Variants in IGSF21 observed in about 807,000 individuals in gnomAD.
IGSF21 encodes immunoglobulin superfamily member 21.
IGSF21 carries 28 observed loss-of-function variants against 46.8 expected under a neutral mutation model. The observed-to-expected ratio is 0.60, with a 90% CI of 0.44 to 0.82. IGSF21 has a LOEUF of 0.82. IGSF21 is among the 40% of genes least tolerant of loss of function. IGSF21 has a pLI of 0.00. For missense variants in IGSF21, 624 were observed against 665.5 expected (o/e 0.94, Z 0.69); for synonymous variants, 284 against 273.6 (o/e 1.04, Z -0.38).
chr1:18,328,781 ACAGCTCCACC>A (rs1172528100), intron 3 of IGSF21, among the ~76,000 whole-genome samples: 1 of 152,116 alleles, frequency 6.6e-6, no homozygotes, highest in East Asian at 1.9e-4. Context: ...CTGTGTCCTC[ACAGCTCCACC>A]CTCCCCTCCA....
chr1:18,274,336 G>C lies in IGSF21; in HGVS notation c.184-17530G>C, dbSNP rs191924708. ...AGTAAGTATGTACAGGTTCTGGTCA[G>C]GTTGGCCAGAAGAGGAGAAACTGAA... is the stretch of plus-strand genomic sequence containing the variant. On this transcript the variant is annotated intron_variant, in intron 2 of 9. Coordinates refer to ENST00000251296, the MANE Select transcript of IGSF21 (RefSeq NM_032880.5). 2.4e-3 allele frequency among the ~76,000 whole-genome samples: 367 copies of C among 152,326 alleles called. 1 individual carries two copies. The highest frequency in any genetic ancestry group is 7.4e-3 in the African/African-American group (307 of 41,566).
At chr1:18,257,281 A>T (rs2084901544) in intron 2 of IGSF21, among the ~76,000 whole-genome samples, 1 of 152,196 alleles carries the variant, frequency 6.6e-6, no homozygotes, top group African/African-American at 2.4e-5. Flanking sequence ...TGGAATACAT[A>T]GATCTTTATT....
intron 6 of IGSF21, among the ~76,000 whole-genome samples, chr1:18,368,516 GA>G (rs202029738): frequency 0.16 from 22,817 of 143,842 alleles, 2,183 homozygotes; most frequent in East Asian, 0.35. Flanking sequence ...ATCTCAAAAA[GA>G]AAAAAAAAAA....
At chr1:18,156,536 C>T (rs902011900) in intron 1 of IGSF21, among the ~76,000 whole-genome samples, 3 of 152,220 alleles carry the variant, frequency 2.0e-5, no homozygotes, top group African/African-American at 7.2e-5. Flanking sequence ...CCGTCCCCAG[C>T]CCCAACCAAG....
At chr1:18,300,474 G>A (rs533116548) in intron 3 of IGSF21, among the ~76,000 whole-genome samples, 1 of 152,342 alleles carries the variant, frequency 6.6e-6, no homozygotes, top group South Asian at 2.1e-4. Flanking sequence ...TGAAGATGAT[G>A]AAATAGCCAG....
At chr1:18,159,497 T>C (rs1459913350) in intron 1 of IGSF21, among the ~76,000 whole-genome samples, 1 of 152,194 alleles carries the variant, frequency 6.6e-6, no homozygotes, top group East Asian at 1.9e-4. Flanking sequence ...CTCGTGGTAG[T>C]GAGTAAGTCT....
At chr1:18,261,768 G>A (rs1269008945) in intron 2 of IGSF21, among the ~76,000 whole-genome samples, 1 of 152,234 alleles carries the variant, frequency 6.6e-6, no homozygotes, top group Non-Finnish European at 1.5e-5. Flanking sequence ...AGAGGAAGTG[G>A]AGGGACTTGG....
intron 1 of IGSF21, among the ~76,000 whole-genome samples, chr1:18,176,598 C>T (rs1439343934): frequency 1.3e-5 from 2 of 151,994 alleles, no homozygotes; most frequent in Non-Finnish European, 2.9e-5. Context: ...AGCCTTTTCA[C>T]ACTGATGTGC....
At chr1:18,121,262 A>G (rs555922028) in intron 1 of IGSF21, among the ~76,000 whole-genome samples, 7 of 152,282 alleles carry the variant, frequency 4.6e-5, no homozygotes, top group African/African-American at 1.7e-4. Flanking sequence ...TGGAAGTGCC[A>G]TTGCCACTTT....
chr1:18,108,631 G>T (rs1293418158), intron 1 of IGSF21, among the ~76,000 whole-genome samples: 1 of 151,894 alleles, frequency 6.6e-6, no homozygotes, highest in East Asian at 1.9e-4. Flanking sequence ...GAATGTTGGG[G>T]GGAGGGTGTG....
intron 1 of IGSF21, among the ~76,000 whole-genome samples, chr1:18,183,424 G>C (rs1240033778): frequency 6.6e-6 from 1 of 152,168 alleles, no homozygotes; most frequent in Admixed American, 6.5e-5. Context: ...AAGTAGATAG[G>C]ATATATGGCA....
intron 1 of IGSF21, among the ~76,000 whole-genome samples, chr1:18,143,462 C>T (rs1052624799): frequency 1.3e-5 from 2 of 152,232 alleles, no homozygotes; most frequent in African/African-American, 4.8e-5. Flanking sequence ...TCCCCAGTGC[C>T]CAGTCATAAA....
intron 2 of IGSF21, among the ~76,000 whole-genome samples, chr1:18,258,970 C>T: frequency 6.6e-6 from 1 of 152,210 alleles, no homozygotes; most frequent in East Asian, 1.9e-4. Flanking sequence ...GAGCCAGGTC[C>T]AGCCCTTTTT....
rs539157571 is a variant in IGSF21 at position 18,286,685 on chromosome 1, C to A, written c.184-5181C>A. Among the ~76,000 whole-genome samples the A allele has an allele frequency of 1.2e-4, 18 of 152,298 alleles. No individual in the cohort carries two copies. The South Asian group carries it at 3.7e-3, about 32-fold the overall frequency. On this transcript the variant is annotated intron_variant, in intron 2 of 9. Transcript: ENST00000251296. ...CAGGGAGTCCCAGACAGATCAGGGT[C>A]CAGGCACAGCAGGCTGTCCTGGGGC...
At chr1:18,149,347 G>A (rs943126701) in intron 1 of IGSF21, among the ~76,000 whole-genome samples, 1 of 152,196 alleles carries the variant, frequency 6.6e-6, no homozygotes, top group African/African-American at 2.4e-5. Flanking sequence ...ACTGATTTAA[G>A]TGAACCATGC....
intron 2 of IGSF21, among the ~76,000 whole-genome samples, chr1:18,269,984 G>A (rs187182807): frequency 1.3e-5 from 2 of 152,236 alleles, no homozygotes; most frequent in South Asian, 2.1e-4. Context: ...GTGCCTTCTG[G>A]AGGTAACCTT....
intron 3 of IGSF21, among the ~76,000 whole-genome samples, chr1:18,301,231 G>A (rs2085358348): frequency 6.6e-6 from 1 of 152,188 alleles, no homozygotes; most frequent in African/African-American, 2.4e-5. Flanking sequence ...CCAAGCTGTG[G>A]CACTCCATGG....
At chr1:18,248,658 G>A (rs568209654) in intron 2 of IGSF21, among the ~76,000 whole-genome samples, 4 of 152,212 alleles carry the variant, frequency 2.6e-5, no homozygotes, top group East Asian at 1.9e-4. Context: ...CGAGTTCTCC[G>A]GTGCAAGGTG....
chr1:18,144,953 CG>C (rs1557555833), intron 1 of IGSF21, among the ~76,000 whole-genome samples: 1 of 152,080 alleles, frequency 6.6e-6, no homozygotes, highest in African/African-American at 2.4e-5. Context: ...GGGTGAGTCC[CG>C]GGTGCCTCAA....
Sources: allele counts gnomAD v4.1 joint callset (sites outside exome capture counted in the v4.1 genomes callset), GRCh38; gene constraint gnomAD v4.1.1; transcripts MANE v1.5; gene names NCBI Gene and HGNC (gene_info 2026-07-23, HGNC 2026-07-21).